The following POU6F2 variants were observed in gnomAD, a reference collection of about 807,000 sequenced individuals.
POU6F2 encodes POU domain, class 6, transcription factor 2.
A neutral mutation model predicts 71.3 loss-of-function variants in POU6F2; 31 were observed. The ratio of observed to expected loss-of-function variants is 0.43; its 90% CI spans 0.33 to 0.59. POU6F2 has a LOEUF of 0.59. Ranked by LOEUF, POU6F2 falls within the 20% of genes least tolerant of loss-of-function variation. The probability of loss-of-function intolerance (pLI) is 0.04; values close to 1 mark genes in which losing one functional copy is unlikely to be tolerated. For missense variants in POU6F2, 783 were observed against 856.8 expected (o/e 0.91, Z 1.07); for synonymous variants, 347 against 355.7 (o/e 0.98, Z 0.27).
In POU6F2 at chr7:39,334,696, T is replaced by A. The variant is rs79535620; in HGVS notation, c.599-4946T>A. Among the ~76,000 whole-genome samples, 1,468 of 152,312 alleles carry A rather than the reference T, an allele frequency of 9.6e-3. 29 individuals are homozygous for A. Among genetic ancestry groups the A allele is most frequent in the African/African-American group, 0.033 (1,360 of 41,568 alleles). ...AGGGGTTTCTGATTTGCATCCTTGG[T>A]TCAGCTCCCTGAGATATTCTTACCT... On this transcript the variant is annotated intron_variant, in intron 4 of 9. Transcript: ENST00000518318.
intron 4 of POU6F2, among the ~76,000 whole-genome samples, chr7:39,222,337 C>G (rs1794383087): frequency 6.6e-6 from 1 of 152,206 alleles, no homozygotes; most frequent in Non-Finnish European, 1.5e-5. Context: ...ATTATTCAGT[C>G]TGGTCTAGTT....
At chr7:39,408,719 A>G (rs1185870803) in intron 6 of POU6F2, among the ~76,000 whole-genome samples, 2 of 152,242 alleles carry the variant, frequency 1.3e-5, no homozygotes, top group Non-Finnish European at 2.9e-5. Flanking sequence ...ACATGTGCCC[A>G]ATGGGGTCAT....
intron 4 of POU6F2, among the ~76,000 whole-genome samples, chr7:39,323,284 G>A (rs1785435504): frequency 6.6e-6 from 1 of 152,184 alleles, no homozygotes; most frequent in South Asian, 2.1e-4. Flanking sequence ...CCAGCAAGAG[G>A]ACAGCTGCAC....
At chr7:39,196,875 A>C (rs1198631651) in intron 2 of POU6F2, among the ~76,000 whole-genome samples, 1 of 152,208 alleles carries the variant, frequency 6.6e-6, no homozygotes, top group Admixed American at 6.5e-5. Context: ...GGTTTCTTGA[A>C]GGAAAACTAG....
At chr7:39,385,324 T>C (rs138483486) in intron 5 of POU6F2, among the ~76,000 whole-genome samples, 16 of 152,304 alleles carry the variant, frequency 1.1e-4, no homozygotes, top group African/African-American at 2.9e-4. Context: ...CAAACACCCA[T>C]TGCTTGCCTA....
chr7:39,079,060 G>A (rs1791058369), intron 1 of POU6F2, among the ~76,000 whole-genome samples: 1 of 151,710 alleles, frequency 6.6e-6, no homozygotes, highest in African/African-American at 2.4e-5. Context: ...CAGTCAGTTA[G>A]ATACCTTAAT....
At chr7:39,051,047 A>G (rs1368268006) in intron 1 of POU6F2, among the ~76,000 whole-genome samples, 2 of 152,130 alleles carry the variant, frequency 1.3e-5, no homozygotes, top group African/African-American at 2.4e-5. Context: ...TGAATTATTC[A>G]CTTAGATCCC....
chr7:39,406,037 A>G (rs1787419540), intron 5 of POU6F2: 1 of 153,936 alleles, frequency 6.5e-6, no homozygotes, highest in Non-Finnish European at 1.4e-5. Context: ...CACGGAGGCC[A>G]TAAATTCCAT....
intron 4 of POU6F2, among the ~76,000 whole-genome samples, chr7:39,294,533 T>A (rs1784814774): frequency 6.6e-6 from 1 of 151,868 alleles, no homozygotes; most frequent in Non-Finnish European, 1.5e-5. Context: ...AGAGCCAAAC[T>A]GTGTGTAAGT....
At position 39,464,077 on chromosome 7, in the gene POU6F2, A is replaced by G. The variant is rs1163248105; in HGVS notation, c.1659-105A>G. On this transcript the variant is annotated intron_variant, in intron 9 of 9. Transcript: ENST00000518318. The surrounding 1 kb of genome is among the most constrained non-coding windows in gnomAD (Gnocchi z 4.1). ...CTGGCTACCTTGCAGCTGGCTATTA[A>G]CCTGCAGTAAATTCGCCCTGCCAGG... is the stretch of plus-strand genomic sequence containing the variant. 7.0e-6 allele frequency: 10 copies of G among 1,423,938 alleles called. No homozygotes were observed. The East Asian group carries it at 2.1e-4, about 29-fold the overall frequency. The allele number at this position is 1,423,938 out of a possible 1,614,324, so 88.2% of individuals were successfully genotyped here. A position where few individuals can be genotyped will look rare whatever the true frequency, so the allele number is the denominator to read the frequency against.
At chr7:39,337,979 T>A (rs1450114596) in intron 4 of POU6F2, among the ~76,000 whole-genome samples, 1 of 152,192 alleles carries the variant, frequency 6.6e-6, no homozygotes, top group Non-Finnish European at 1.5e-5. Flanking sequence ...CTGCCAATAT[T>A]CCCAGACTTT....
At chr7:39,433,382 A>G in intron 7 of POU6F2, 99 bp downstream of exon 7, 1 of 1,319,996 alleles carries the variant, frequency 7.6e-7, no homozygotes, top group Non-Finnish European at 1.1e-6. Flanking sequence ...TTTACATTAC[A>G]AAATAGTTGA....
At chr7:39,451,872 G>T (rs1461638562) in intron 8 of POU6F2, among the ~76,000 whole-genome samples, 171 bp downstream of exon 8, 1 of 152,158 alleles carries the variant, frequency 6.6e-6, no homozygotes, top group African/African-American at 2.4e-5. Flanking sequence ...CCGTCCCCAG[G>T]ACCAGATGGT....
At chr7:39,155,728 T>C (rs1792855270) in intron 2 of POU6F2, among the ~76,000 whole-genome samples, 1 of 152,222 alleles carries the variant, frequency 6.6e-6, no homozygotes, top group Non-Finnish European at 1.5e-5. Flanking sequence ...TATAATTCAG[T>C]GGTCTTAATT....
chr7:38,989,826 TTTG>T (rs1788559533), intron 1 of POU6F2, among the ~76,000 whole-genome samples: 3 of 139,472 alleles, frequency 2.2e-5, no homozygotes, highest in East Asian at 2.0e-4. Context: ...TGTGTGTGTG[TTTG>T]TGTGTGTGTG....
At chr7:39,253,605 C>T (rs1005010631) in intron 4 of POU6F2, among the ~76,000 whole-genome samples, 3 of 152,152 alleles carry the variant, frequency 2.0e-5, no homozygotes, top group African/African-American at 4.8e-5. Context: ...TGCTGCCCAT[C>T]GCCTAAATGA....
intron 6 of POU6F2, among the ~76,000 whole-genome samples, chr7:39,410,887 C>T (rs547305014): frequency 6.6e-6 from 1 of 152,322 alleles, no homozygotes; most frequent in Non-Finnish European, 1.5e-5. Context: ...AGACTGCCAT[C>T]CACCAGCTGT....
chr7:39,404,610 G>A (rs2115887000), intron 5 of POU6F2: 2 of 152,262 alleles, frequency 1.3e-5, no homozygotes, highest in South Asian at 4.1e-4. Context: ...TGTTGAGGAT[G>A]AAGAAGTTTA....
At chr7:39,135,230 T>A (rs1792366055) in intron 2 of POU6F2, among the ~76,000 whole-genome samples, 1 of 152,192 alleles carries the variant, frequency 6.6e-6, no homozygotes, top group South Asian at 2.1e-4. Flanking sequence ...ACTTCAGAAA[T>A]ATCAGATATA....
Sources: gnomAD v4.1 joint callset for allele counts (sites outside exome capture counted in the v4.1 genomes callset) on GRCh38, gnomAD v4.1.1 for gene constraint, Gnocchi (gnomAD v3.1) non-coding constraint, MANE v1.5 for transcripts, NCBI Gene and HGNC (gene_info 2026-07-23, HGNC 2026-07-21) for gene names.